PCGF3: variants seen among roughly 807,000 people sequenced by gnomAD.
PCGF3 encodes the protein polycomb group ring finger 3, also known as polycomb group RING finger protein 3.
A neutral mutation model predicts 33.1 loss-of-function variants in PCGF3; 7 were observed. The ratio of observed to expected loss-of-function variants is 0.21; its 90% CI spans 0.12 to 0.40. The LOEUF is 0.40. Ranked by LOEUF, PCGF3 falls within the 10% of genes least tolerant of loss-of-function variation. The pLI is 1.00. For missense variants in PCGF3, 211 were observed against 313.3 expected, an observed-to-expected ratio of 0.67 and a Z score of 2.46; for synonymous variants, 153 against 121.3, an observed-to-expected ratio of 1.26 and a Z score of -1.72.
chr4:763,892 G>A (rs766657337), intron 9 of PCGF3, among the ~76,000 whole-genome samples: 6 of 152,174 alleles, frequency 3.9e-5, no homozygotes, highest in African/African-American at 1.4e-4. Flanking sequence ...ATGAGCAGTC[G>A]GGCCAAGAGC....
chr4:743,214 CCCCGTGCCTGT>C (rs1374755805), intron 6 of PCGF3, among the ~76,000 whole-genome samples: 1 of 152,212 alleles, frequency 6.6e-6, no homozygotes, highest in East Asian at 1.9e-4. Context: ...GTTTCCCAGG[CCCCGTGCCTGT>C]CCTAGGCCTG....
chr4:718,049 AG>A (rs1003614380), intron 1 of PCGF3, among the ~76,000 whole-genome samples: 1 of 152,018 alleles, frequency 6.6e-6, no homozygotes, highest in African/African-American at 2.4e-5. Context: ...ATTGGTTTCT[AG>A]GGGGGCCCAG....
intron 7 of PCGF3, chr4:743,853 TGTGGAAAGAGTA>T (rs1744201699): frequency 2.9e-6 from 1 of 345,122 alleles, no homozygotes; most frequent in Admixed American, 4.4e-5. Context: ...TCAGAAGGCC[TGTGGAAAGAGTA>T]GTGGAAGGTG....
At chr4:726,806 C>T (rs905700157) in intron 1 of PCGF3, among the ~76,000 whole-genome samples, 9 of 152,134 alleles carry the variant, frequency 5.9e-5, no homozygotes, top group Non-Finnish European at 8.8e-5. Context: ...TAAAATTCAC[C>T]AGTTTTATTG....
At chr4:733,558 C>G in intron 3 of PCGF3, 114 bp from the exon 4 acceptor site, 1 of 1,074,342 alleles carries the variant, frequency 9.3e-7, no homozygotes, top group Non-Finnish European at 1.3e-6. Flanking sequence ...AGGCTCCTGC[C>G]ACCCAGGCCT....
In PCGF3 at chr4:737,683, T is replaced by A; in HGVS notation, c.262+162T>A. The stretch of plus-strand genomic sequence containing the variant: ...AGCCCAACTTCATCTCCTTGGCTGG[T>A]CTCTTCTTTCGTCTAAGATGCGTAG... On this transcript the variant is annotated intron_variant, in intron 6 of 10. Coordinates refer to ENST00000362003, the Ensembl canonical transcript of PCGF3. 3 of 618,774 alleles carry A rather than the reference T, an allele frequency of 4.8e-6. No individual in the cohort carries two copies. In the South Asian group the frequency reaches 5.8e-5, roughly 12 times the overall value. The allele number at this position is 618,774 out of a possible 1,614,324, so 38.3% of individuals were successfully genotyped here.
chr4:747,551 G>GA (rs1744306676), intron 8 of PCGF3, among the ~76,000 whole-genome samples: 1 of 18,826 alleles, frequency 5.3e-5, no homozygotes, highest in Non-Finnish European at 1.1e-4. Context: ...GCGGGGCCCG[G>GA]GGTCGCTGCA....
At chr4:724,133 G>A (rs967089289) in intron 1 of PCGF3, 5 of 152,488 alleles carry the variant, frequency 3.3e-5, no homozygotes, top group African/African-American at 1.2e-4. Context: ...ACTCAGGGCA[G>A]ATGGTGGTTG....
chr4:754,562 G>A (rs537658024), intron 8 of PCGF3, among the ~76,000 whole-genome samples: 2 of 152,316 alleles, frequency 1.3e-5, no homozygotes, highest in East Asian at 3.9e-4. Context: ...TAGTGAGCTG[G>A]GACCTGGTGC....
chr4:722,338 C>T (rs1204151121), intron 1 of PCGF3: 1 of 189,914 alleles, frequency 5.3e-6, no homozygotes, highest in Non-Finnish European at 1.1e-5. Flanking sequence ...CGACTCAGAA[C>T]AGCAGCTCCT....
intron 8 of PCGF3, among the ~76,000 whole-genome samples, chr4:758,787 C>T (rs1412900725): frequency 4.6e-5 from 1 of 21,624 alleles, no homozygotes; most frequent in Non-Finnish European, 1.2e-4. Context: ...TTTCTCCCCG[C>T]GCGGCCCCTC....
intron 5 of PCGF3, among the ~76,000 whole-genome samples, chr4:736,534 T>C (rs115092101): frequency 0.2 from 18,331 of 89,724 alleles, 1,737 homozygotes; most frequent in South Asian, 0.23. Context: ...GCGCATAGGA[T>C]GCAGGGAACC....
intron 10 of PCGF3, among the ~76,000 whole-genome samples, chr4:765,357 CG>C (rs1316806723): frequency 6.6e-6 from 1 of 151,844 alleles, no homozygotes; most frequent in Non-Finnish European, 1.5e-5. Flanking sequence ...GGTGTGAACC[CG>C]GGAGACGAAG....
In PCGF3 at chr4:734,089, C is replaced by T. The variant is rs775043649; in HGVS notation, c.109+300C>T. 6 of 1,550,726 alleles carry T rather than the reference C, an allele frequency of 3.9e-6. No individual in the cohort carries two copies. The South Asian group carries it at 7.1e-5, about 18-fold the overall frequency. Reference sequence around the variant, plus strand: ...CCGCTGTGACAGTGCTCACTGCTGGCAGTTTCCAAATCTCCAGAGGAGTTC... The same window carrying T: ...CCGCTGTGACAGTGCTCACTGCTGGTAGTTTCCAAATCTCCAGAGGAGTTC... On this transcript the variant is annotated intron_variant, in intron 4 of 10. Transcript: ENST00000362003.
At chr4:761,189 T>A in intron 8 of PCGF3, 90 bp from the exon 9 acceptor site, 1 of 1,114,680 alleles carries the variant, frequency 9.0e-7, no homozygotes, top group Non-Finnish European at 1.2e-6. Flanking sequence ...AGTCCTAGAT[T>A]GAGGAATTAG....
exon 11 of PCGF3, chr4:767,060 G>C (rs1745413924): frequency 1.3e-5 from 2 of 152,414 alleles, no homozygotes. Context: ...TGCCCCGTCT[G>C]TCCAAGGCCT....
intron 8 of PCGF3, among the ~76,000 whole-genome samples, chr4:751,028 C>T (rs17164962): frequency 0.018 from 2,708 of 151,444 alleles, 78 homozygotes; most frequent in African/African-American, 0.061. Flanking sequence ...GAGTTTAACC[C>T]GTTGTCTTTG....
At chr4:766,156 C>G (rs368273258) in exon 11 of PCGF3, 1 of 1,188,974 alleles carries the variant, frequency 8.4e-7, no homozygotes, top group East Asian at 2.3e-5. Context: ...AGAACATTGC[C>G]TCTGGGTGTC....
rs1743017255 is a variant in PCGF3, at chr4:720,257, G to A, written c.-189-10373G>A. On this transcript the variant is annotated intron_variant, in intron 1 of 10. Transcript: ENST00000362003. This position sits in a 1 kb window ranked among gnomAD's most constrained non-coding sequence, Gnocchi z 5.6. ...TGGGGAGGGTGACCGCGGGAGGAGCGCCCGTGCATCGCTGCAGAGGGTGAC... is the reference window on the plus strand; with the variant it reads ...TGGGGAGGGTGACCGCGGGAGGAGCACCCGTGCATCGCTGCAGAGGGTGAC... 1.3e-5 allele frequency among the ~76,000 whole-genome samples: 2 copies of A among 152,030 alleles called. No individual in the cohort carries two copies. Among genetic ancestry groups the A allele is most frequent in the Admixed American group, 6.5e-5 (1 of 15,272 alleles).
Sources: allele counts gnomAD v4.1 joint callset (sites outside exome capture counted in the v4.1 genomes callset), GRCh38; gene constraint gnomAD v4.1.1; non-coding constraint Gnocchi (gnomAD v3.1); transcripts MANE v1.5; gene names NCBI Gene and HGNC (gene_info 2026-07-23, HGNC 2026-07-21).